The following TTLL5 variants were observed in gnomAD, a reference collection of about 807,000 sequenced individuals.
TTLL5 encodes tubulin tyrosine ligase like 5.
TTLL5 carries 132 observed loss-of-function variants against 168.4 expected under a neutral mutation model. The observed-to-expected ratio is 0.78, with a 90% CI of 0.68 to 0.91. TTLL5 has a LOEUF of 0.91. Ranked by LOEUF, TTLL5 falls within the 40% of genes least tolerant of loss-of-function variation. The pLI, the probability that TTLL5 is intolerant of heterozygous loss-of-function variation, is 0.00. For synonymous variants in TTLL5, 546 were observed against 558.6 expected (o/e 0.98, Z 0.32); for missense variants, 1,545 against 1,581.5 (o/e 0.98, Z 0.39).
At chr14:75,894,761 G>A (rs1232731045) in intron 30 of TTLL5, among the ~76,000 whole-genome samples, 1 of 152,086 alleles carries the variant, frequency 6.6e-6, no homozygotes, top group Non-Finnish European at 1.5e-5. Flanking sequence ...ACAAAAGATA[G>A]ACAATAAAAG....
At chr14:75,753,672 T>C (rs997617522) in intron 18 of TTLL5, among the ~76,000 whole-genome samples, 1 of 152,204 alleles carries the variant, frequency 6.6e-6, no homozygotes, top group East Asian at 1.9e-4. Context: ...TACATGGGAT[T>C]TGCAATTTGT....
chr14:75,714,992 T>C (rs1039310053), intron 9 of TTLL5, among the ~76,000 whole-genome samples: 9 of 152,212 alleles, frequency 5.9e-5, no homozygotes, highest in African/African-American at 2.2e-4. Context: ...GTACGCACAA[T>C]TCTAGTTCAA....
At chr14:75,910,790 TC>T (rs1268188645) in intron 31 of TTLL5, among the ~76,000 whole-genome samples, 1 of 152,246 alleles carries the variant, frequency 6.6e-6, no homozygotes, top group Non-Finnish European at 1.5e-5. Context: ...TTGATTTTTA[TC>T]CTGTATTCTT....
intron 18 of TTLL5, among the ~76,000 whole-genome samples, chr14:75,764,141 A>G (rs1290831315): frequency 6.6e-6 from 1 of 152,114 alleles, no homozygotes; most frequent in East Asian, 1.9e-4. Flanking sequence ...TGTTCCCCTC[A>G]TCTGAACCTC....
intron 9 of TTLL5, among the ~76,000 whole-genome samples, chr14:75,713,942 A>G (rs901014245): frequency 2.0e-5 from 3 of 152,114 alleles, no homozygotes; most frequent in Admixed American, 1.3e-4. Context: ...CAATTCTGCC[A>G]ATTGTCCTAA....
intron 30 of TTLL5, chr14:75,886,683 A>G: frequency 1.9e-6 from 3 of 1,597,274 alleles, no homozygotes; most frequent in East Asian, 2.2e-5. Flanking sequence ...CAATGTTTGC[A>G]ACACTTCATA....
At chr14:75,700,028 TTA>T (rs1159723626) in intron 7 of TTLL5, among the ~76,000 whole-genome samples, 1 of 152,226 alleles carries the variant, frequency 6.6e-6, no homozygotes, top group South Asian at 2.1e-4. Context: ...GTTTTTATGT[TTA>T]TGTTTTAAAC....
chr14:75,880,610 T>C (rs1317046989), intron 29 of TTLL5, among the ~76,000 whole-genome samples: 1 of 152,164 alleles, frequency 6.6e-6, no homozygotes, highest in African/African-American at 2.4e-5. Flanking sequence ...GATGTAGTGG[T>C]GAAAATAGAA....
intron 20 of TTLL5, among the ~76,000 whole-genome samples, chr14:75,770,804 C>T (rs181175794): frequency 1.4e-4 from 22 of 152,320 alleles, no homozygotes; most frequent in South Asian, 1.0e-3. Flanking sequence ...GCTTGTCCTG[C>T]CTGGCCCATC....
chr14:75,804,780 T>C (rs1189283231), intron 27 of TTLL5, among the ~76,000 whole-genome samples: 1 of 152,222 alleles, frequency 6.6e-6, no homozygotes, highest in Non-Finnish European at 1.5e-5. Flanking sequence ...TTTCCTCATC[T>C]GTAAAATGGG....
intron 27 of TTLL5, among the ~76,000 whole-genome samples, chr14:75,795,954 G>A (rs559594392): frequency 3.3e-5 from 5 of 152,242 alleles, no homozygotes; most frequent in African/African-American, 1.2e-4. Context: ...CCCAGTAGTG[G>A]GATTACTGGA....
intron 28 of TTLL5, chr14:75,820,579 T>G (rs938352384): frequency 6.4e-6 from 1 of 155,432 alleles, no homozygotes; most frequent in Non-Finnish European, 1.4e-5. Context: ...GAAGGACATA[T>G]TTGTTTCTTA....
At chr14:75,910,175 T>G (rs868770906) in intron 31 of TTLL5, among the ~76,000 whole-genome samples, 20 of 151,816 alleles carry the variant, frequency 1.3e-4, no homozygotes, top group South Asian at 8.3e-4. Context: ...AAGAGAGGAG[T>G]GATGATTCTT....
At chr14:75,689,382 T>G (rs985528755) in intron 5 of TTLL5, 4 of 152,328 alleles carry the variant, frequency 2.6e-5, no homozygotes, top group Non-Finnish European at 4.4e-5. Flanking sequence ...ATATATACTG[T>G]TATTTTAAGC....
At chr14:75,722,250 G>A (rs1472131929) in intron 12 of TTLL5, among the ~76,000 whole-genome samples, 1 of 151,826 alleles carries the variant, frequency 6.6e-6, no homozygotes, top group Non-Finnish European at 1.5e-5. Flanking sequence ...CCCTCATGCT[G>A]TTCTTTTTTT....
rs116698079 is a variant in TTLL5 at position 75,768,904 on chromosome 14, G to C, written c.2015+2536G>C. Among the ~76,000 whole-genome samples, 1,011 of 152,286 alleles carry C rather than the reference G, an allele frequency of 6.6e-3. 12 individuals carry two copies. The highest frequency in any genetic ancestry group is 0.024 in the African/African-American group (977 of 41,562). ...CAGTCAGAAGACCTGAGCTCTGGCTGTTTTAGTGCTACCAACTGGCCGTGT... is the reference window on the plus strand; with the variant it reads ...CAGTCAGAAGACCTGAGCTCTGGCTCTTTTAGTGCTACCAACTGGCCGTGT... On this transcript the variant is annotated intron_variant, in intron 20 of 31. Coordinates refer to ENST00000298832, the MANE Select transcript of TTLL5 (RefSeq NM_015072.5).
chr14:75,896,736 CTGATCAAAATAATGGGCAAAAGA>C (rs2032679434), intron 30 of TTLL5, among the ~76,000 whole-genome samples: 1 of 152,070 alleles, frequency 6.6e-6, no homozygotes, highest in Non-Finnish European at 1.5e-5. Context: ...AAAGTTTCCA[CTGATCAAAATAATGGGCAAAAGA>C]AGAACAGAGG....
chr14:75,893,991 C>A (rs2032534578), intron 30 of TTLL5, among the ~76,000 whole-genome samples: 1 of 151,952 alleles, frequency 6.6e-6, no homozygotes. Flanking sequence ...CGTAAAATGT[C>A]AATAAATGTT....
intron 15 of TTLL5, among the ~76,000 whole-genome samples, chr14:75,735,650 G>A (rs1888844276): frequency 6.6e-6 from 1 of 152,138 alleles, no homozygotes; most frequent in South Asian, 2.1e-4. Flanking sequence ...CTGATCTTCA[G>A]ACTAGCTTTG....
Sources: allele counts gnomAD v4.1 joint callset (sites outside exome capture counted in the v4.1 genomes callset), GRCh38; gene constraint gnomAD v4.1.1; transcripts MANE v1.5; gene names NCBI Gene and HGNC (gene_info 2026-07-23, HGNC 2026-07-21).